MAPK14: variants seen among roughly 807,000 people sequenced by gnomAD.
The protein encoded by MAPK14 is CSAID-binding protein.
A neutral mutation model predicts 49.6 loss-of-function variants in MAPK14; 16 were observed. The observed-to-expected ratio is 0.32, with a 90% CI of 0.22 to 0.49. The LOEUF (loss-of-function observed/expected upper bound fraction) is 0.49. Ranked by LOEUF, MAPK14 falls within the 20% of genes least tolerant of loss-of-function variation. MAPK14 has a pLI of 0.99. For synonymous variants in MAPK14, 142 were observed against 158.0 expected (o/e 0.90, Z 0.76); for missense variants, 200 against 441.2 (o/e 0.45, Z 4.90).
intron 6 of MAPK14, 134 bp from the exon 7 acceptor site, chr6:36,075,714 C>A: frequency 8.7e-7 from 1 of 1,144,928 alleles, no homozygotes; most frequent in Non-Finnish European, 1.3e-6. Context: ...ACCAGGAAAT[C>A]TCTTTATGAA....
chr6:36,110,435 A>G lies in MAPK14; in HGVS notation c.*1988A>G, dbSNP rs1329102377. On this transcript the variant is annotated 3_prime_UTR_variant, in exon 12 of 12. Transcript: ENST00000229794. ...CACAGCAAGATGAATTTTATCAGCC[A>G]TGTTTGGTTGTAAATGCTCGTGTGA... The G allele has an allele frequency of 6.5e-6, 1 of 152,686 alleles. No individual in the cohort carries two copies. Among genetic ancestry groups the G allele is most frequent in the Non-Finnish European group, 1.5e-5 (1 of 68,044 alleles). 9.5% of individuals were successfully genotyped at this position (152,686 alleles called of 1,614,324 possible).
chr6:36,030,893 C>T (rs977960572), intron 1 of MAPK14, among the ~76,000 whole-genome samples: 2 of 152,058 alleles, frequency 1.3e-5, no homozygotes, highest in African/African-American at 4.8e-5. Flanking sequence ...GAAAATACAA[C>T]TGAAACTGAA....
chr6:36,052,801 G>A lies in MAPK14; in HGVS notation c.219G>A (p.Arg73=), dbSNP rs141509171. Residue 73 remains arginine, a synonymous_variant, in exon 2 of 12, where the codon CGG becomes CGA. Coordinates refer to ENST00000229794, the MANE Select transcript of MAPK14 (RefSeq NM_139012.3). ...CGAAAAGAACCTACAGAGAACTGCG[G>A]TTACTTAAACATATGAAACATGAAA... The part of the protein sequence containing the change: ...IHAKRTYREL[R]LLKHMKHENV... 95 of 1,610,936 alleles carry A rather than the reference G, an allele frequency of 5.9e-5. No individual in the cohort carries two copies. In the African/African-American group the frequency reaches 9.8e-4, roughly 17 times the overall value.
At chr6:36,075,987 G>A in intron 7 of MAPK14, 25 bp downstream of exon 7, 2 of 1,612,440 alleles carry the variant, frequency 1.2e-6, no homozygotes, top group South Asian at 1.1e-5. Flanking sequence ...GGTTATTTAG[G>A]GCCTTATTTA....
At chr6:36,067,516 G>GAAAGCATGCTCAGT (rs923811191) in intron 3 of MAPK14, among the ~76,000 whole-genome samples, 5 of 152,158 alleles carry the variant, frequency 3.3e-5, no homozygotes, top group Admixed American at 2.6e-4. Flanking sequence ...TTGGTTGTCT[G>GAAAGCATGCTCAGT]AAAGCATGCT....
chr6:36,057,584 T>G (rs995826218), intron 2 of MAPK14, among the ~76,000 whole-genome samples: 1 of 152,200 alleles, frequency 6.6e-6, no homozygotes, highest in African/African-American at 2.4e-5. Flanking sequence ...TCGGGCGTGG[T>G]GGTGCATGCC....
At chr6:36,034,289 T>C (rs551213253) in intron 1 of MAPK14, among the ~76,000 whole-genome samples, 1 of 152,362 alleles carries the variant, frequency 6.6e-6, no homozygotes, top group African/African-American at 2.4e-5. Context: ...GAAGGAATTA[T>C]TAGGCAGTGC....
intron 1 of MAPK14, among the ~76,000 whole-genome samples, chr6:36,041,198 A>G (rs1454860237): frequency 6.6e-6 from 1 of 151,682 alleles, no homozygotes; most frequent in Non-Finnish European, 1.5e-5. Flanking sequence ...CACAATGTAT[A>G]CATCTTAACA....
At chr6:36,097,876 AAAT>A (rs1478074312) in intron 9 of MAPK14, 1 of 152,098 alleles carries the variant, frequency 6.6e-6, no homozygotes, top group Non-Finnish European at 1.5e-5. Context: ...AACTTAACTC[AAAT>A]AATATTATAT....
At chr6:36,094,007 C>T (rs536330954) in intron 8 of MAPK14, among the ~76,000 whole-genome samples, 6 of 152,188 alleles carry the variant, frequency 3.9e-5, no homozygotes, top group Admixed American at 1.3e-4. Context: ...ATTTTTTTTA[C>T]TGATTTCTAT....
At chr6:36,029,632 C>T (rs1315591482) in intron 1 of MAPK14, among the ~76,000 whole-genome samples, 1 of 152,044 alleles carries the variant, frequency 6.6e-6, no homozygotes, top group Non-Finnish European at 1.5e-5. Context: ...TTCTGTGTTT[C>T]CCAAAGTCAC....
At chr6:36,087,915 A>G (rs1201846597) in intron 8 of MAPK14, among the ~76,000 whole-genome samples, 2 of 152,230 alleles carry the variant, frequency 1.3e-5, no homozygotes, top group African/African-American at 4.8e-5. Context: ...TCAAAACAGC[A>G]TGGTACTAGT....
intron 8 of MAPK14, among the ~76,000 whole-genome samples, chr6:36,077,929 C>A (rs1230281502): frequency 1.3e-5 from 2 of 152,200 alleles, no homozygotes; most frequent in Non-Finnish European, 2.9e-5. Context: ...GAGTCCCATC[C>A]TTGCTTTGTC....
chr6:36,079,454 C>T (rs1288921971), intron 8 of MAPK14, among the ~76,000 whole-genome samples: 2 of 152,008 alleles, frequency 1.3e-5, no homozygotes, highest in East Asian at 3.9e-4. Context: ...AAGAAATGTC[C>T]TGGGCCACAC....
chr6:36,045,326 C>T (rs1763130896), intron 1 of MAPK14, among the ~76,000 whole-genome samples: 1 of 152,118 alleles, frequency 6.6e-6, no homozygotes, highest in African/African-American at 2.4e-5. Context: ...CCTTCTTGAA[C>T]AGACACAGAA....
At chr6:36,112,834 AG>A (rs1394153171), downstream of MAPK14, among the ~76,000 whole-genome samples, 1 of 152,232 alleles carries the variant, frequency 6.6e-6, no homozygotes, top group African/African-American at 2.4e-5. Flanking sequence ...ATTGCAATTA[AG>A]TTGCATTCTA....
chr6:36,064,061 T>C (rs1763937142), intron 3 of MAPK14, among the ~76,000 whole-genome samples: 2 of 92,678 alleles, frequency 2.2e-5, no homozygotes, highest in Non-Finnish European at 2.2e-5. Context: ...TATTGCCTTT[T>C]CTTTGTGTGT....
At chr6:36,108,253 T>C (rs1765858873) in intron 11 of MAPK14, 127 bp from the exon 12 acceptor site, 1 of 707,802 alleles carries the variant, frequency 1.4e-6, no homozygotes, top group South Asian at 1.6e-5. Context: ...ACATACAAGC[T>C]GTGAGGTAGC....
At chr6:36,067,681 C>A (rs1764114815) in intron 3 of MAPK14, among the ~76,000 whole-genome samples, 1 of 152,088 alleles carries the variant, frequency 6.6e-6, no homozygotes, top group Admixed American at 6.6e-5. Flanking sequence ...TGAAATAAGC[C>A]TACTAAGCTG....
Sources: allele counts gnomAD v4.1 joint callset (sites outside exome capture counted in the v4.1 genomes callset), GRCh38; gene constraint gnomAD v4.1.1; transcripts MANE v1.5; gene names NCBI Gene and HGNC (gene_info 2026-07-23, HGNC 2026-07-21).